Variants in MAP3K20 observed in about 807,000 individuals in gnomAD.
MAP3K20 encodes mitogen-activated protein kinase kinase kinase 20, also known as HCCS-4.
In MAP3K20, 40 loss-of-function variants were observed where a neutral mutation model predicts 85.7. The observed-to-expected ratio is 0.47, with a 90% CI of 0.36 to 0.61. The LOEUF (loss-of-function observed/expected upper bound fraction) is 0.61, where lower values mean the gene tolerates loss of function less well. Among genes scored for constraint, MAP3K20 ranks in the 20% least tolerant of loss-of-function variants. The pLI is 0.00. For missense variants in MAP3K20, 817 were observed against 961.7 expected, an observed-to-expected ratio of 0.85 and a Z score of 1.99; for synonymous variants, 325 against 327.7, an observed-to-expected ratio of 0.99 and a Z score of 0.09.
intron 14 of MAP3K20, among the ~76,000 whole-genome samples, chr2:173,236,593 C>T (rs548952281): frequency 5.3e-5 from 8 of 152,100 alleles, no homozygotes; most frequent in East Asian, 1.9e-4. Context: ...GTGTGGAATG[C>T]GGACCCCTCC....
At chr2:173,256,403 G>A (rs143857618) in intron 16 of MAP3K20, among the ~76,000 whole-genome samples, 35 of 152,206 alleles carry the variant, frequency 2.3e-4, no homozygotes, top group African/African-American at 8.2e-4. Context: ...GAGGTGGGAG[G>A]ACTGCTTGAG....
Position 173,222,882 on chromosome 2 carries a change from AAC to A in MAP3K20, c.987+5635_987+5636del, listed in dbSNP as rs1427586251. On this transcript the variant is annotated intron_variant, in intron 11 of 19. Coordinates refer to ENST00000375213, the MANE Select transcript of MAP3K20 (RefSeq NM_016653.3). ...TTGTCAAAGCTTGTTTAAATTATAA[AAC>A]ACTTTTAATTATATATATGAGGCAA... 5 of 985,078 alleles carry A rather than the reference AAC, an allele frequency of 5.1e-6. No individual in the cohort carries two copies. In the Admixed American group the frequency reaches 2.5e-4, roughly 48 times the overall value. 61.0% of individuals were successfully genotyped at this position (985,078 alleles called of 1,614,324 possible). A position where few individuals can be genotyped will look rare whatever the true frequency, so the allele number is the denominator to read the frequency against.
chr2:173,253,478 C>T (rs1271211982), intron 16 of MAP3K20, among the ~76,000 whole-genome samples: 1 of 152,104 alleles, frequency 6.6e-6, no homozygotes, highest in African/African-American at 2.4e-5. Context: ...GATCTTGCCC[C>T]ACCTTGCCCC....
At chr2:173,095,955 T>C (rs966038786) in intron 2 of MAP3K20, among the ~76,000 whole-genome samples, 15 of 152,234 alleles carry the variant, frequency 9.9e-5, no homozygotes, top group African/African-American at 3.6e-4. Context: ...CAACATTTTA[T>C]TGTGAAAAAT....
At chr2:173,234,904 A>G (rs1257428233) in intron 14 of MAP3K20, among the ~76,000 whole-genome samples, 2 of 152,212 alleles carry the variant, frequency 1.3e-5, no homozygotes, top group Non-Finnish European at 2.9e-5. Flanking sequence ...TGTATTAAAA[A>G]GGCAAGGCTG....
intron 2 of MAP3K20, among the ~76,000 whole-genome samples, chr2:173,158,289 A>AT (rs965467678): frequency 7.2e-5 from 11 of 152,200 alleles, no homozygotes; most frequent in Non-Finnish European, 1.0e-4. Flanking sequence ...GAAAGCTTTA[A>AT]TAAAAAATGT....
chr2:173,263,985 AC>A, intron 19 of MAP3K20, 90 bp downstream of exon 19: 1 of 1,486,684 alleles, frequency 6.7e-7, no homozygotes, highest in Non-Finnish European at 9.0e-7. Context: ...AGAGGATACC[AC>A]CTCAATCAGT....
At chr2:173,236,653 G>T (rs1684658936) in intron 14 of MAP3K20, among the ~76,000 whole-genome samples, 1 of 152,136 alleles carries the variant, frequency 6.6e-6, no homozygotes, top group African/African-American at 2.4e-5. Flanking sequence ...ACCCAGTGGG[G>T]GCTCAGCCAA....
At chr2:173,188,759 AG>A (rs750731414) in intron 5 of MAP3K20, among the ~76,000 whole-genome samples, 10 of 152,178 alleles carry the variant, frequency 6.6e-5, no homozygotes, top group Non-Finnish European at 1.3e-4. Flanking sequence ...GGTTCTTCTT[AG>A]ACTTAAGCTT....
At chr2:173,147,660 C>T (rs1475979987) in intron 2 of MAP3K20, among the ~76,000 whole-genome samples, 3 of 152,110 alleles carry the variant, frequency 2.0e-5, no homozygotes, top group African/African-American at 7.2e-5. Flanking sequence ...GATCTCGGCT[C>T]ACTGCAACCT....
At chr2:173,247,672 T>C (rs1684949674) in intron 16 of MAP3K20, among the ~76,000 whole-genome samples, 1 of 152,162 alleles carries the variant, frequency 6.6e-6, no homozygotes, top group Admixed American at 6.5e-5. Context: ...TACTTAAAAT[T>C]TGCAAATTTG....
Position 173,222,745 on chromosome 2 carries a change from G to A in MAP3K20, c.987+5495G>A, listed in dbSNP as rs369961747. Reference sequence around the variant, plus strand: ...TTCCATATCAAGTTTAGCCTACCAGGGTTGTTTTTTGTTTTAACCCTGCTT... The same window carrying A: ...TTCCATATCAAGTTTAGCCTACCAGAGTTGTTTTTTGTTTTAACCCTGCTT... On this transcript the variant is annotated intron_variant, in intron 11 of 19. Coordinates refer to ENST00000375213, the MANE Select transcript of MAP3K20 (RefSeq NM_016653.3). 4 of 985,296 alleles carry A rather than the reference G, an allele frequency of 4.1e-6. No homozygotes were observed. In the South Asian group the frequency reaches 1.4e-4, roughly 35 times the overall value. The allele number at this position is 985,296 out of a possible 1,614,324, so 61.0% of individuals were successfully genotyped here. A position where few individuals can be genotyped will look rare whatever the true frequency, so the allele number is the denominator to read the frequency against.
At chr2:173,135,053 C>T (rs1688760768) in intron 2 of MAP3K20, among the ~76,000 whole-genome samples, 1 of 152,134 alleles carries the variant, frequency 6.6e-6, no homozygotes, top group African/African-American at 2.4e-5. Flanking sequence ...GTGTTCGATA[C>T]ATTTTGGCTA....
At chr2:173,226,048 A>G (rs1193177601) in intron 11 of MAP3K20, 9 of 985,328 alleles carry the variant, frequency 9.1e-6, no homozygotes, top group Non-Finnish European at 1.1e-5. Context: ...TTGAAAGCCT[A>G]CAGCTCACTG....
chr2:173,171,941 T>C (rs895776245), intron 3 of MAP3K20, among the ~76,000 whole-genome samples: 1 of 152,250 alleles, frequency 6.6e-6, no homozygotes, highest in Non-Finnish European at 1.5e-5. Flanking sequence ...TGAGTTTTAA[T>C]GTTTTGAATG....
chr2:173,184,262 T>C (rs1690419127), intron 4 of MAP3K20, among the ~76,000 whole-genome samples: 3 of 152,216 alleles, frequency 2.0e-5, no homozygotes, highest in Admixed American at 2.0e-4. Context: ...CCTTAAATAA[T>C]GTAAATGCAT....
chr2:173,217,247 C>A lies in MAP3K20; in HGVS notation c.984C>A (p.Thr328=). The change falls in exon 11 of 20, where the codon ACC becomes ACA. Residue 328 remains threonine, a synonymous_variant. Transcript: ENST00000375213. The part of the protein sequence containing the change: ...WEQKLTEQSN[T]PLLPSFEIGA... ...AAAAGCTGACAGAGCAGTCCAACAC[C>A]CCGGTGAGTACCCTCCCCCTTCGCC... The A allele has an allele frequency of 1.9e-6, 3 of 1,572,074 alleles. No homozygotes were observed. The South Asian group carries it at 3.6e-5, about 19-fold the overall frequency.
At chr2:173,077,054 AAGC>A (rs1267454904) in intron 1 of MAP3K20, among the ~76,000 whole-genome samples, 1 of 152,296 alleles carries the variant, frequency 6.6e-6, no homozygotes, top group Non-Finnish European at 1.5e-5. Flanking sequence ...GTAATAATGA[AAGC>A]AACACAATTT....
intron 2 of MAP3K20, among the ~76,000 whole-genome samples, chr2:173,123,094 T>TCCTAGG (rs1688342287): frequency 6.6e-6 from 1 of 152,208 alleles, no homozygotes; most frequent in Non-Finnish European, 1.5e-5. Context: ...TCCACTACAT[T>TCCTAGG]CCTATCTCCT....
Sources: gnomAD v4.1 joint callset for allele counts (sites outside exome capture counted in the v4.1 genomes callset) on GRCh38, gnomAD v4.1.1 for gene constraint, MANE v1.5 for transcripts, NCBI Gene and HGNC (gene_info 2026-07-23, HGNC 2026-07-21) for gene names.